ZNF804A: variants seen among roughly 807,000 people sequenced by gnomAD.
The protein encoded by ZNF804A is zinc finger protein 804A.
ZNF804A carries 2 observed loss-of-function variants against 16.5 expected under a neutral mutation model. The observed-to-expected ratio is 0.12, with a 90% confidence interval of 0.05 to 0.38. The LOEUF (loss-of-function observed/expected upper bound fraction) is 0.38, where lower values mean the gene tolerates loss of function less well. ZNF804A is among the 10% of genes least tolerant of loss of function. The pLI, the probability that ZNF804A is intolerant of heterozygous loss-of-function variation, is 0.99. For missense variants in ZNF804A, 1,473 were observed against 1,390.7 expected (o/e 1.06, Z -0.94); for synonymous variants, 534 against 489.6 (o/e 1.09, Z -1.20).
At chr2:184,890,761 T>TA (rs1574258672) in intron 2 of ZNF804A, among the ~76,000 whole-genome samples, 1 of 151,372 alleles carries the variant, frequency 6.6e-6, no homozygotes, top group Non-Finnish European at 1.5e-5. Flanking sequence ...CCCTTCAGTT[T>TA]AAAAAATTGA....
At chr2:184,691,410 A>G (rs1351723603) in intron 1 of ZNF804A, among the ~76,000 whole-genome samples, 4 of 151,558 alleles carry the variant, frequency 2.6e-5, no homozygotes, top group South Asian at 2.1e-4. Context: ...ACAAAATCAT[A>G]TATTCTATAT....
intron 1 of ZNF804A, among the ~76,000 whole-genome samples, chr2:184,790,577 C>T (rs1694522681): frequency 6.6e-6 from 1 of 151,412 alleles, no homozygotes; most frequent in Non-Finnish European, 1.5e-5. Context: ...GTATTCAAAC[C>T]TTTATTCTTC....
intron 1 of ZNF804A, among the ~76,000 whole-genome samples, chr2:184,603,385 G>A (rs2105665617): frequency 6.6e-6 from 1 of 152,264 alleles, no homozygotes; most frequent in Middle Eastern, 3.4e-3. Flanking sequence ...TGAAAAACCT[G>A]AAAAAATTCT....
At chr2:184,691,058 A>T (rs1351168064) in intron 1 of ZNF804A, among the ~76,000 whole-genome samples, 1 of 152,032 alleles carries the variant, frequency 6.6e-6, no homozygotes, top group East Asian at 1.9e-4. Context: ...TAAAAATAAG[A>T]TATATTTAGC....
At chr2:184,930,855 G>A (rs1685686730) in intron 2 of ZNF804A, among the ~76,000 whole-genome samples, 1 of 152,140 alleles carries the variant, frequency 6.6e-6, no homozygotes, top group African/African-American at 2.4e-5. Flanking sequence ...TTTTTAAAAT[G>A]TAACTAGTGG....
intron 1 of ZNF804A, among the ~76,000 whole-genome samples, chr2:184,701,987 C>A (rs1468807405): frequency 1.3e-5 from 2 of 151,786 alleles, no homozygotes; most frequent in Non-Finnish European, 2.9e-5. Flanking sequence ...TCTTGTAAAT[C>A]TGAAGTAATT....
intron 1 of ZNF804A, among the ~76,000 whole-genome samples, chr2:184,719,831 T>C (rs1388362566): frequency 6.6e-6 from 1 of 152,224 alleles, no homozygotes; most frequent in African/African-American, 2.4e-5. Flanking sequence ...TTTTCCTGTC[T>C]TCTTCTGAGC....
chr2:184,913,333 T>C (rs1170115435), intron 2 of ZNF804A, among the ~76,000 whole-genome samples: 1 of 152,178 alleles, frequency 6.6e-6, no homozygotes, highest in Non-Finnish European at 1.5e-5. Context: ...TTTATTTATT[T>C]ACCTATGTAG....
At chr2:184,661,570 C>G (rs762968297) in intron 1 of ZNF804A, among the ~76,000 whole-genome samples, 15 of 152,156 alleles carry the variant, frequency 9.9e-5, no homozygotes, top group Non-Finnish European at 2.1e-4. Context: ...AGAATGCTGA[C>G]TGGTCCAGCA....
chr2:184,847,332 A>C (rs373329554), intron 1 of ZNF804A, among the ~76,000 whole-genome samples: 1 of 152,092 alleles, frequency 6.6e-6, no homozygotes, highest in Non-Finnish European at 1.5e-5. Context: ...AATTCTGTTC[A>C]GTATATCTGT....
chr2:184,785,608 A>C (rs1694434825), intron 1 of ZNF804A, among the ~76,000 whole-genome samples: 1 of 151,990 alleles, frequency 6.6e-6, no homozygotes, highest in Non-Finnish European at 1.5e-5. Flanking sequence ...AACTATGAAA[A>C]TCCAATTCAA....
At chr2:184,785,894 T>C (rs1211517285) in intron 1 of ZNF804A, among the ~76,000 whole-genome samples, 1 of 152,034 alleles carries the variant, frequency 6.6e-6, no homozygotes, top group East Asian at 1.9e-4. Flanking sequence ...ATCATATCCT[T>C]ATATCACTGA....
intron 1 of ZNF804A, among the ~76,000 whole-genome samples, chr2:184,615,356 A>G (rs1248835904): frequency 2.6e-5 from 4 of 152,174 alleles, no homozygotes; most frequent in African/African-American, 7.2e-5. Flanking sequence ...GTATCCCAGA[A>G]CTTAAATTAT....
intron 1 of ZNF804A, among the ~76,000 whole-genome samples, chr2:184,728,523 TA>T (rs1693459105): frequency 6.6e-6 from 1 of 151,822 alleles, no homozygotes; most frequent in South Asian, 2.1e-4. Context: ...TCAGAATGGG[TA>T]ATAAAGAAGA....
At chr2:184,615,445 C>A (rs750860926) in intron 1 of ZNF804A, among the ~76,000 whole-genome samples, 2 of 152,124 alleles carry the variant, frequency 1.3e-5, no homozygotes, top group Admixed American at 1.3e-4. Flanking sequence ...GTTGTCCTGG[C>A]ATTATTAATA....
intron 1 of ZNF804A, among the ~76,000 whole-genome samples, chr2:184,673,928 A>G (rs1159375302): frequency 6.6e-6 from 1 of 152,184 alleles, no homozygotes; most frequent in African/African-American, 2.4e-5. Flanking sequence ...TCTAAAAATC[A>G]ATAGTTTGAC....
At chr2:184,642,212 T>A (rs1691806056) in intron 1 of ZNF804A, among the ~76,000 whole-genome samples, 1 of 152,310 alleles carries the variant, frequency 6.6e-6, no homozygotes, top group Admixed American at 6.5e-5. Flanking sequence ...CTGATGTATT[T>A]CAAGGTATTA....
intron 1 of ZNF804A, among the ~76,000 whole-genome samples, chr2:184,738,999 G>A (rs917305984): frequency 6.6e-6 from 1 of 152,110 alleles, no homozygotes; most frequent in African/African-American, 2.4e-5. Context: ...ATAAACACAA[G>A]GTTGAAATTT....
At chr2:184,854,460 G>A (rs569798130) in intron 1 of ZNF804A, among the ~76,000 whole-genome samples, 2 of 151,948 alleles carry the variant, frequency 1.3e-5, no homozygotes, top group South Asian at 2.1e-4. Flanking sequence ...GGTAAAGTTC[G>A]ATGTGCATTA....
Sources: allele counts gnomAD v4.1 joint callset (sites outside exome capture counted in the v4.1 genomes callset), GRCh38; gene constraint gnomAD v4.1.1; transcripts MANE v1.5; gene names NCBI Gene and HGNC (gene_info 2026-07-23, HGNC 2026-07-21).